Variants in MYH8 observed in about 807,000 individuals in gnomAD.
The protein encoded by MYH8 is myosin heavy chain 8.
A neutral mutation model predicts 233.2 loss-of-function variants in MYH8; 168 were observed. That is an observed-to-expected ratio of 0.72 (90% confidence interval 0.64 to 0.82). The LOEUF (loss-of-function observed/expected upper bound fraction) is 0.82. Among genes scored for constraint, MYH8 ranks in the 40% least tolerant of loss-of-function variants. The pLI is 0.00. For missense variants in MYH8, 1,995 were observed against 2,327.8 expected, an observed-to-expected ratio of 0.86 and a Z score of 2.94; for synonymous variants, 785 against 850.6, an observed-to-expected ratio of 0.92 and a Z score of 1.34.
At chr17:10,394,533 TG>T in intron 34 of MYH8, 81 bp from the exon 35 acceptor site, 4 of 1,508,174 alleles carry the variant, frequency 2.7e-6, no homozygotes, top group Non-Finnish European at 3.6e-6. Context: ...GAGATTGTAC[TG>T]GTGACAGGAA....
rs1427451384 is a variant in MYH8, at chr17:10,412,601, T to C, written c.1266+9A>G. 1 of 1,614,196 alleles carries C rather than the reference T, an allele frequency of 6.2e-7. No homozygotes were observed. The highest frequency in any genetic ancestry group is 8.5e-7 in the Non-Finnish European group (1 of 1,179,988). ...AGATGTGTGTGATTCATTGAGGTCA[T>C]GCACTTACCTGCTGCACAGTCTGGC... On this transcript the variant is annotated intron_variant, in intron 13 of 39. Transcript: ENST00000403437.
At chr17:10,399,975 G>C (rs532378920) in intron 27 of MYH8, among the ~76,000 whole-genome samples, 10 of 152,290 alleles carry the variant, frequency 6.6e-5, no homozygotes, top group Admixed American at 5.9e-4. Flanking sequence ...AGGCCGAGGC[G>C]GGCGGATCAT....
At position 10,399,545 on chromosome 17, in the gene MYH8, G is replaced by A. The variant is rs1268282594; in HGVS notation, c.3860C>T (p.Ala1287Val). ...TAQRARLQTE[A>V]GEYSRQLDEK... ...GGACCCAGAGAAGATGTCTTTACCC[G>A]CTTCTGTCTGCAGGCGCGCTCTCTG... Residue 1287 changes from alanine to valine, a missense_variant and splice_region_variant, in exon 28 of 40, where the codon GCG becomes GTG. By Grantham distance (64) the Ala-to-Val change is moderately conservative. This residue lies in a region of MYH8 where 1,498 missense variants were observed against 1,680.9 expected (regional missense o/e 0.89). Coordinates refer to ENST00000403437, the MANE Select transcript of MYH8 (RefSeq NM_002472.3). The A allele has an allele frequency of 6.2e-7, 1 of 1,613,242 alleles. No individual in the cohort carries two copies. Among genetic ancestry groups the A allele is most frequent in the South Asian group, 1.1e-5 (1 of 91,048 alleles).
chr17:10,398,966 G>GTGTA (rs2072106275), intron 28 of MYH8, 80 bp from the exon 29 acceptor site: 2 of 712,868 alleles, frequency 2.8e-6, no homozygotes, highest in Non-Finnish European at 4.9e-6. Context: ...ATGTGTGTGT[G>GTGTA]TATATATATA....
chr17:10,407,994 A>G (rs113196766), intron 17 of MYH8, among the ~76,000 whole-genome samples: 9 of 148,844 alleles, frequency 6.0e-5, no homozygotes, highest in African/African-American at 2.2e-4. Flanking sequence ...AGGCTGGAGT[A>G]CAGTGGTGCA....
At chr17:10,404,693 A>G (rs920305527) in intron 21 of MYH8, 108 bp from the exon 22 acceptor site, 3 of 1,312,670 alleles carry the variant, frequency 2.3e-6, no homozygotes, top group African/African-American at 2.9e-5. Flanking sequence ...ACAAATAAAT[A>G]TGTCACATTC....
rs1368868765 is a variant in MYH8 at position 10,406,077 on chromosome 17, A to T, written c.2396T>A (p.Leu799Gln). Reference sequence around the variant, plus strand: ...CATCTTCTGATATTCTACCCTCATTAGGAATCCCCTACAGACAGCTTGTGT... The same window carrying T: ...CATCTTCTGATATTCTACCCTCATTTGGAATCCCCTACAGACAGCTTGTGT... ...TRTQAVCRGF[L>Q]MRVEYQKMLQ... Residue 799 changes from leucine to glutamine, a missense_variant, in exon 21 of 40, where the codon CTA (leucine) becomes CAA (glutamine). Coordinates refer to ENST00000403437, the MANE Select transcript of MYH8 (RefSeq NM_002472.3). 5.0e-6 allele frequency: 8 copies of T among 1,613,988 alleles called. No individual in the cohort carries two copies. The highest frequency in any genetic ancestry group is 1.3e-5 in the African/African-American group (1 of 74,930).
At position 10,401,210 on chromosome 17, in the gene MYH8, T is replaced by C. The variant is rs1475943307; in HGVS notation, c.3109-19A>G. 6.2e-6 allele frequency: 10 copies of C among 1,613,296 alleles called. No individual in the cohort carries two copies. Among genetic ancestry groups the C allele is most frequent in the South Asian group, 2.2e-5 (2 of 90,848 alleles). On this transcript the variant is annotated intron_variant, in intron 24 of 39. Transcript: ENST00000403437. Reference sequence around the variant, plus strand: ...CTTCAAGCTAATAAGAAAGTAAATATGGTAAAAATTGAAAGTATATATTTT... The same window carrying C: ...CTTCAAGCTAATAAGAAAGTAAATACGGTAAAAATTGAAAGTATATATTTT...
At chr17:10,399,484 A>G in intron 28 of MYH8, 59 bp downstream of exon 28, 1 of 1,610,822 alleles carries the variant, frequency 6.2e-7, no homozygotes, top group South Asian at 1.1e-5. Context: ...ATTTATTAGA[A>G]CCCCTAGAAT....
In MYH8 at chr17:10,415,468, C is replaced by A. The variant is rs989235422; in HGVS notation, c.648+4G>T. ...GAGGTTTTGACTCTGGCTATCAGACCTACCTGCATTTTGCCAGATTCATCC... is the reference window on the plus strand; with the variant it reads ...GAGGTTTTGACTCTGGCTATCAGACATACCTGCATTTTGCCAGATTCATCC... On this transcript the variant is annotated splice_donor_region_variant and intron_variant, in intron 7 of 39. Transcript: ENST00000403437. This position sits in a 1 kb window ranked among gnomAD's most constrained non-coding sequence, Gnocchi z 4.1. 1 of 1,613,884 alleles carries A rather than the reference C, an allele frequency of 6.2e-7. No individual in the cohort carries two copies. Among genetic ancestry groups the A allele is most frequent in the African/African-American group, 1.3e-5 (1 of 74,914 alleles).
Position 10,399,598 on chromosome 17 carries a change from C to G in MYH8, c.3807G>C (p.Gln1269His). ...VSELKTKEEE[Q>H]QRLINDLTAQ... ...CTGTGAGGTCATTGATCAGCCGCTG[C>G]TGCTCCTCTTCCTTGGTCTTAAGCT... is the stretch of plus-strand genomic sequence containing the variant. Residue 1269 changes from glutamine to histidine, a missense_variant, in exon 28 of 40, where the codon CAG becomes CAC. By Grantham distance (24) the Gln-to-His change is conservative. Coordinates refer to ENST00000403437, the MANE Select transcript of MYH8 (RefSeq NM_002472.3). 6.2e-7 allele frequency: 1 copy of G among 1,614,122 alleles called. No homozygotes were observed. Among genetic ancestry groups the G allele is most frequent in the Non-Finnish European group, 8.5e-7 (1 of 1,180,028 alleles).
Position 10,414,358 on chromosome 17 carries a change from C to A in MYH8, c.904+28G>T, listed in dbSNP as rs576506554. Reference sequence around the variant, plus strand: ...ACATTGTTAATAAAAATATTAACTTCTATCTATGACTTTAAGTTCTTTCTT... The same window carrying A: ...ACATTGTTAATAAAAATATTAACTTATATCTATGACTTTAAGTTCTTTCTT... On this transcript the variant is annotated intron_variant, in intron 10 of 39. Transcript: ENST00000403437. The A allele has an allele frequency of 1.9e-6, 3 of 1,595,566 alleles. No homozygotes were observed. The East Asian group carries it at 6.7e-5, about 36-fold the overall frequency.
In MYH8 at chr17:10,406,789, A is replaced by G. The variant is rs2072198357; in HGVS notation, c.2072T>C (p.Leu691Pro). Reference protein sequence around the residue: ...TKTPGAMEHELVLHQLRCNGV... With the variant: ...TKTPGAMEHEPVLHQLRCNGV... ...ATTACACCTCAGCTGGTGCAACACA[A>G]GTTCATGTTCCATTGCCCCTAAAAA... Residue 691 changes from leucine to proline, a missense_variant, in exon 19 of 40, where the codon CTT (leucine) becomes CCT (proline). By Grantham distance (98) the Leu-to-Pro change is moderately conservative. Coordinates refer to ENST00000403437, the MANE Select transcript of MYH8 (RefSeq NM_002472.3). 1.2e-6 allele frequency: 2 copies of G among 1,614,020 alleles called. No individual in the cohort carries two copies. Among genetic ancestry groups the G allele is most frequent in the Non-Finnish European group, 1.7e-6 (2 of 1,180,026 alleles).
intron 22 of MYH8, 53 bp downstream of exon 22, chr17:10,404,277 G>A (rs2072168045): frequency 6.2e-7 from 1 of 1,609,376 alleles, no homozygotes; most frequent in Non-Finnish European, 8.5e-7. Context: ...AAGTATATGT[G>A]TGTTTCAAAA....
Position 10,406,339 on chromosome 17 carries a change from C to A in MYH8, c.2230G>T (p.Ala744Ser). ...ATAGATGCAAGAAGTTTCTCAGAAG[C>A]CTTCTTGCTGTCAATGAACTGTCCC... ...PEGQFIDSKK[A>S]SEKLLASIDI... is the part of the protein sequence containing the mutation. The change falls in exon 20 of 40, where the codon GCT becomes TCT. Residue 744 changes from alanine to serine, a missense_variant. Transcript: ENST00000403437. 6.2e-7 allele frequency: 1 copy of A among 1,613,220 alleles called. No individual in the cohort carries two copies. The highest frequency in any genetic ancestry group is 8.5e-7 in the Non-Finnish European group (1 of 1,179,244).
chr17:10,420,811 A>G (rs1207594048), intron 2 of MYH8, among the ~76,000 whole-genome samples: 1 of 152,238 alleles, frequency 6.6e-6, no homozygotes, highest in Non-Finnish European at 1.5e-5. Flanking sequence ...AGAACATAAT[A>G]CATTCTAATA....
rs149576217 is a variant in MYH8, at chr17:10,409,142, A to C, written c.1920T>G (p.Ala640=). 6.2e-7 allele frequency: 1 copy of C among 1,614,220 alleles called. No homozygotes were observed. Among genetic ancestry groups the C allele is most frequent in the African/African-American group, 1.3e-5 (1 of 75,054 alleles). Residue 640 remains alanine, a synonymous_variant, in exon 17 of 40, where the codon GCT becomes GCG. Transcript: ENST00000403437. The part of the protein sequence containing the change: ...AEADSSAKKG[A]KKKGSSFQTV... The stretch of plus-strand genomic sequence containing the variant: ...TCTGGAAAGAAGAGCCCTTTTTCTT[A>C]GCACCTTTCTTCGCGCTGCTATCTG...
At chr17:10,402,160 A>G (rs1007097943) in intron 22 of MYH8, among the ~76,000 whole-genome samples, 1 of 152,122 alleles carries the variant, frequency 6.6e-6, no homozygotes. Flanking sequence ...TTTTGTGTAT[A>G]TATATATATG....
chr17:10,416,710 A>G (rs143167140), intron 5 of MYH8, among the ~76,000 whole-genome samples: 58 of 152,212 alleles, frequency 3.8e-4, no homozygotes, highest in Admixed American at 6.5e-4. Context: ...TCAAACATAT[A>G]CAGAAGTAGA....
Sources: allele counts gnomAD v4.1 joint callset (sites outside exome capture counted in the v4.1 genomes callset), GRCh38; gene constraint gnomAD v4.1.1; regional missense constraint gnomAD v4.1.1; non-coding constraint Gnocchi (gnomAD v3.1); transcripts MANE v1.5; gene names NCBI Gene and HGNC (gene_info 2026-07-23, HGNC 2026-07-21).